CFAP92: variants seen among roughly 807,000 people sequenced by gnomAD.
CFAP92 encodes the protein uncharacterized protein CFAP92.
Under a neutral mutation model 106.3 loss-of-function variants are expected in CFAP92, and 86 were observed. The observed-to-expected ratio is 0.81, with a 90% confidence interval of 0.68 to 0.97. The LOEUF is 0.97. CFAP92 is among the 50% of genes least tolerant of loss of function. The pLI, the probability that CFAP92 is intolerant of heterozygous loss-of-function variation, is 0.00. For missense variants in CFAP92, 1,204 were observed against 1,283.8 expected (o/e 0.94, Z 0.95); for synonymous variants, 477 against 506.4 (o/e 0.94, Z 0.78).
chr3:128,940,190 C>A (rs1393367168), intron 10 of CFAP92, among the ~76,000 whole-genome samples: 1 of 152,132 alleles, frequency 6.6e-6, no homozygotes, highest in Non-Finnish European at 1.5e-5. Flanking sequence ...TATTTGTTTA[C>A]CCTTTTACTA....
At chr3:128,943,919 CGT>C (rs1939926103) in intron 10 of CFAP92, among the ~76,000 whole-genome samples, 7 of 86,882 alleles carry the variant, frequency 8.1e-5, no homozygotes, top group African/African-American at 1.5e-4. Context: ...TTATTTCCCC[CGT>C]TTTTTTTTTT....
At chr3:129,016,377 G>A in the CFAP92 span, among the ~76,000 whole-genome samples, 7 of 152,072 alleles carry the variant, frequency 4.6e-5, no homozygotes, top group East Asian at 1.4e-3. Flanking sequence ...AGGCCTACAA[G>A]CTGTAGCTCT....
At chr3:128,917,135 C>T (rs575988887) in intron 12 of CFAP92, among the ~76,000 whole-genome samples, 2 of 152,176 alleles carry the variant, frequency 1.3e-5, no homozygotes, top group African/African-American at 2.4e-5. Context: ...AGTCTAGGTC[C>T]TCAGACTTTG....
intron 2 of CFAP92, among the ~76,000 whole-genome samples, chr3:128,992,774 G>GT (rs530761006): frequency 1.1e-3 from 165 of 151,146 alleles, no homozygotes; most frequent in East Asian, 2.7e-3. Context: ...CCTCTCCATG[G>GT]TTTTTTTTTC....
chr3:128,933,826 G>A (rs987274821), intron 11 of CFAP92, among the ~76,000 whole-genome samples: 1 of 152,106 alleles, frequency 6.6e-6, no homozygotes, highest in Non-Finnish European at 1.5e-5. Context: ...CATGCCAAAG[G>A]TGAGGGCCAC....
intron 11 of CFAP92, among the ~76,000 whole-genome samples, chr3:128,933,655 TCAGA>T (rs1382903944): frequency 2.0e-5 from 3 of 152,346 alleles, no homozygotes; most frequent in South Asian, 4.1e-4. Context: ...TTCCTCACCC[TCAGA>T]CAGAAATAAA....
chr3:129,015,735 C>T, the CFAP92 span, among the ~76,000 whole-genome samples: 2 of 152,012 alleles, frequency 1.3e-5, no homozygotes, highest in Non-Finnish European at 2.9e-5. Context: ...ACTGTCCCCC[C>T]ACCCCTTGTG....
intron 9 of CFAP92, among the ~76,000 whole-genome samples, chr3:128,959,568 A>G (rs1251701712): frequency 6.6e-6 from 1 of 152,236 alleles, no homozygotes; most frequent in East Asian, 1.9e-4. Context: ...CAACCAGAAG[A>G]GGGAACAAGG....
chr3:129,015,645 G>A, the CFAP92 span, among the ~76,000 whole-genome samples: 1 of 151,822 alleles, frequency 6.6e-6, no homozygotes, highest in African/African-American at 2.4e-5. Context: ...CCTTCCCACC[G>A]CCATCCCCTG....
chr3:128,978,217 T>C, intron 4 of CFAP92, 32 bp from the exon 5 acceptor site: 1 of 1,599,796 alleles, frequency 6.3e-7, no homozygotes, highest in Non-Finnish European at 8.5e-7. Context: ...GATCATTGAC[T>C]CAATCAATCC....
At chr3:128,929,947 G>A (rs1938158262) in intron 12 of CFAP92, among the ~76,000 whole-genome samples, 1 of 152,102 alleles carries the variant, frequency 6.6e-6, no homozygotes, top group South Asian at 2.1e-4. Flanking sequence ...GTGTAAAAAT[G>A]TGAAAAAATT....
rs1316976218 is a variant in CFAP92 at position 128,945,940 on chromosome 3, G to A, written c.1389C>T (p.Phe463=). 3.9e-5 allele frequency: 57 copies of A among 1,447,986 alleles called. No homozygotes were observed. The Middle Eastern group carries it at 9.3e-4, about 24-fold the overall frequency. The allele number at this position is 1,447,986 out of a possible 1,614,324, so 89.7% of individuals were successfully genotyped here. The stretch of plus-strand genomic sequence containing the variant: ...TGGTCTTGTGAACTGGAGTCTTATG[G>A]AACTGGTACTTGCAGTACACAGGCA... ...LCMPVYCKYQ[F]HKTPVHKTKG... is the part of the protein sequence containing the mutation. Residue 463 remains phenylalanine (F), a synonymous_variant, in exon 10 of 16, where the codon TTC becomes TTT. Transcript: ENST00000645291.
intron 9 of CFAP92, among the ~76,000 whole-genome samples, chr3:128,961,061 A>T (rs901531698): frequency 6.6e-6 from 1 of 151,970 alleles, no homozygotes; most frequent in Non-Finnish European, 1.5e-5. Flanking sequence ...TCTTCAACTC[A>T]CACCTGACCT....
chr3:128,978,455 C>T (rs551834616), intron 4 of CFAP92: 17 of 268,022 alleles, frequency 6.3e-5, no homozygotes, highest in Non-Finnish European at 6.3e-5. Flanking sequence ...GGGCCAGATA[C>T]GGTGGCTCAT....
chr3:129,019,453 T>C, the CFAP92 span, among the ~76,000 whole-genome samples: 7 of 152,294 alleles, frequency 4.6e-5, no homozygotes, highest in African/African-American at 1.7e-4. Context: ...AATAATTCCT[T>C]TGAGGATGTG....
chr3:128,993,120 G>A lies in CFAP92; in HGVS notation c.185C>T (p.Ala62Val), dbSNP rs1944321140. 5 of 1,614,086 alleles carry A rather than the reference G, an allele frequency of 3.1e-6. No homozygotes were observed. Among genetic ancestry groups the A allele is most frequent in the South Asian group, 1.1e-5 (1 of 91,088 alleles). The change falls in exon 2 of 16, where the codon GCC becomes GTC. Residue 62 changes from alanine to valine, a missense_variant. By Grantham distance (64) the Ala-to-Val change is moderately conservative (BLOSUM62 0). Transcript: ENST00000645291. ...CSSIESSSEP[A>V]STFSSDVPHV... Reference sequence around the variant, plus strand: ...GGGCACGTCGGAGCTGAAAGTGCTGGCAGGCTCAGATGAGGACTCGATGCT... The same window carrying A: ...GGGCACGTCGGAGCTGAAAGTGCTGACAGGCTCAGATGAGGACTCGATGCT...
chr3:129,002,369 G>A (rs910721571), intron 1 of CFAP92: 15 of 1,486,592 alleles, frequency 1.0e-5, no homozygotes, highest in Non-Finnish European at 1.3e-5. Flanking sequence ...CCGGGAGAGG[G>A]CTCGAACTAA....
chr3:128,933,083 C>T (rs974851635), intron 11 of CFAP92, 86 bp from the exon 12 acceptor site: 2 of 1,240,796 alleles, frequency 1.6e-6, no homozygotes, highest in African/African-American at 3.0e-5. Context: ...AGGAAATGAA[C>T]ACTCAGAGGC....
intron 8 of CFAP92, chr3:128,967,246 G>A (rs1942440937): frequency 6.6e-6 from 1 of 152,270 alleles, no homozygotes; most frequent in Middle Eastern, 3.4e-3. Flanking sequence ...CCCGGGCCAG[G>A]TGTGCACAGC....
Sources: gnomAD v4.1 joint callset for allele counts (sites outside exome capture counted in the v4.1 genomes callset) on GRCh38, gnomAD v4.1.1 for gene constraint, MANE v1.5 for transcripts, NCBI Gene and HGNC (gene_info 2026-07-23, HGNC 2026-07-21) for gene names.